Variants in BRINP1 observed in about 807,000 individuals in gnomAD.
BRINP1 encodes BMP/retinoic acid inducible neural specific 1.
In BRINP1, 17 loss-of-function variants were observed where a neutral mutation model predicts 72.9. The observed-to-expected ratio is 0.23, with a 90% CI of 0.16 to 0.35. The LOEUF (loss-of-function observed/expected upper bound fraction) is 0.35. Ranked by LOEUF, BRINP1 falls within the 10% of genes least tolerant of loss-of-function variation. The probability of loss-of-function intolerance (pLI) is 1.00; values close to 1 mark genes in which losing one functional copy is unlikely to be tolerated. For synonymous variants in BRINP1, 418 were observed against 378.5 expected, an observed-to-expected ratio of 1.10 and a Z score of -1.21; for missense variants, 850 against 1,001.6, an observed-to-expected ratio of 0.85 and a Z score of 2.04.
In BRINP1 at chr9:119,325,699, T is replaced by G. The variant is rs577440182; in HGVS notation, c.-50-12294A>C. Among the ~76,000 whole-genome samples, 3 of 152,334 alleles carry G rather than the reference T, an allele frequency of 2.0e-5. No homozygotes were observed. In the South Asian group the frequency reaches 6.2e-4, roughly 32 times the overall value. On this transcript the variant is annotated intron_variant, in intron 1 of 7. Coordinates refer to ENST00000265922, the MANE Select transcript of BRINP1 (RefSeq NM_014618.3). The stretch of plus-strand genomic sequence containing the variant: ...TACCACCTCCATCCTAAGCCCTTGT[T>G]GCCAGAGTGATCTATCAAAATACAG...
intron 2 of BRINP1, among the ~76,000 whole-genome samples, chr9:119,265,834 T>A (rs1830543659): frequency 6.6e-6 from 1 of 152,098 alleles, no homozygotes; most frequent in Admixed American, 6.6e-5. Context: ...GCCACCCAGG[T>A]AATAAGCATA....
intron 1 of BRINP1, among the ~76,000 whole-genome samples, chr9:119,314,766 A>T (rs1346742299): frequency 2.6e-5 from 4 of 152,206 alleles, no homozygotes; most frequent in Non-Finnish European, 4.4e-5. Flanking sequence ...CTTTCCTGAC[A>T]TTCAGTTTCC....
At chr9:119,305,616 T>A (rs557428351) in intron 2 of BRINP1, among the ~76,000 whole-genome samples, 1 of 152,330 alleles carries the variant, frequency 6.6e-6, no homozygotes, top group South Asian at 2.1e-4. Context: ...TTGAAGCCTA[T>A]GTTCAACACC....
intron 5 of BRINP1, among the ~76,000 whole-genome samples, chr9:119,230,584 A>C (rs1255631783): frequency 1.3e-5 from 2 of 151,916 alleles, no homozygotes; most frequent in African/African-American, 4.8e-5. Flanking sequence ...GAGAGTGAGG[A>C]TGTCATTTTA....
chr9:119,208,550 A>G (rs1030533762), intron 7 of BRINP1, among the ~76,000 whole-genome samples, 169 bp downstream of exon 7: 1 of 152,206 alleles, frequency 6.6e-6, no homozygotes, highest in Non-Finnish European at 1.5e-5. Flanking sequence ...ATGTGGAGCC[A>G]GTAGGTGAGG....
chr9:119,270,403 A>G (rs886217864), intron 2 of BRINP1, among the ~76,000 whole-genome samples: 1 of 152,220 alleles, frequency 6.6e-6, no homozygotes, highest in East Asian at 1.9e-4. Flanking sequence ...AAGATTATAC[A>G]GGAGGCTATT....
At chr9:119,231,025 C>A (rs1830144645) in intron 5 of BRINP1, among the ~76,000 whole-genome samples, 1 of 152,040 alleles carries the variant, frequency 6.6e-6, no homozygotes, top group South Asian at 2.1e-4. Flanking sequence ...GACATTGAAT[C>A]TACAAATCTA....
chr9:119,214,264 G>T, intron 5 of BRINP1, 109 bp from the exon 6 acceptor site: 1 of 798,614 alleles, frequency 1.3e-6, no homozygotes, highest in Non-Finnish European at 2.0e-6. Flanking sequence ...ATTTCTCCCT[G>T]TGTATTGGAA....
intron 5 of BRINP1, among the ~76,000 whole-genome samples, chr9:119,221,210 C>A (rs577327679): frequency 6.6e-5 from 10 of 152,174 alleles, no homozygotes; most frequent in African/African-American, 2.4e-4. Flanking sequence ...TGTCTTGTAC[C>A]ACTAAGTTCT....
At chr9:119,252,770 G>A (rs1301099290) in intron 2 of BRINP1, among the ~76,000 whole-genome samples, 1 of 152,116 alleles carries the variant, frequency 6.6e-6, no homozygotes, top group Non-Finnish European at 1.5e-5. Flanking sequence ...AATATCGAGA[G>A]GTAGAATATA....
intron 7 of BRINP1, among the ~76,000 whole-genome samples, chr9:119,208,277 T>C (rs186078172): frequency 1.3e-5 from 2 of 152,224 alleles, no homozygotes; most frequent in African/African-American, 4.8e-5. Flanking sequence ...TGTCACTCAC[T>C]CCTGGCTCTG....
intron 1 of BRINP1, among the ~76,000 whole-genome samples, chr9:119,329,239 T>G (rs1460821381): frequency 3.3e-5 from 5 of 152,328 alleles, no homozygotes; most frequent in Non-Finnish European, 7.3e-5. Flanking sequence ...TTCCAATATT[T>G]ACTCATCAAA....
intron 1 of BRINP1, among the ~76,000 whole-genome samples, chr9:119,364,946 C>T (rs900872353): frequency 7.9e-5 from 12 of 152,130 alleles, no homozygotes; most frequent in Non-Finnish European, 1.6e-4. Context: ...GTGTGAGAGA[C>T]AGAGAGAGAG....
intron 2 of BRINP1, among the ~76,000 whole-genome samples, chr9:119,306,429 G>T (rs1209048323): frequency 1.3e-5 from 2 of 152,170 alleles, no homozygotes; most frequent in East Asian, 1.9e-4. Flanking sequence ...GGATGTATGT[G>T]GGCTGGAGGG....
chr9:119,218,351 G>T (rs1041241682), intron 5 of BRINP1, among the ~76,000 whole-genome samples: 1 of 151,820 alleles, frequency 6.6e-6, no homozygotes. Flanking sequence ...CAACATGTTG[G>T]TCAGGATGGT....
chr9:119,292,283 T>C (rs966601323), intron 2 of BRINP1, among the ~76,000 whole-genome samples: 1 of 152,198 alleles, frequency 6.6e-6, no homozygotes, highest in Non-Finnish European at 1.5e-5. Context: ...TCTGCTCAAG[T>C]TGACTGCTTA....
intron 1 of BRINP1, among the ~76,000 whole-genome samples, chr9:119,338,808 C>T (rs1288175803): frequency 6.6e-6 from 1 of 151,398 alleles, no homozygotes; most frequent in Non-Finnish European, 1.5e-5. Flanking sequence ...TGGTGCGAAC[C>T]CAGGAGGCGG....
At chr9:119,273,899 T>C (rs1167311561) in intron 2 of BRINP1, among the ~76,000 whole-genome samples, 1 of 152,200 alleles carries the variant, frequency 6.6e-6, no homozygotes, top group African/African-American at 2.4e-5. Context: ...TCATTCTGTT[T>C]ATTCTTGGCT....
In BRINP1 at chr9:119,168,121, C is replaced by T. The variant is rs372190683; in HGVS notation, c.1249G>A (p.Gly417Ser). The change falls in exon 8 of 8, where the codon GGC becomes AGC. Residue 417 changes from glycine (G) to serine (S), a missense_variant. Transcript: ENST00000265922. ...GGGCGCTGGCACAGCGTGGTGCTGC[C>T]GTGGCACACGCAGCTCCGCTGGCTC... is the stretch of plus-strand genomic sequence containing the variant. ...LESQRSCVCH[G>S]STTLCQRPIP... 30 of 1,606,382 alleles carry T rather than the reference C, an allele frequency of 1.9e-5. No homozygotes were observed. Among genetic ancestry groups the T allele is most frequent in the East Asian group, 9.0e-5 (4 of 44,666 alleles).
Sources: allele counts gnomAD v4.1 joint callset (sites outside exome capture counted in the v4.1 genomes callset), GRCh38; gene constraint gnomAD v4.1.1; transcripts MANE v1.5; gene names NCBI Gene and HGNC (gene_info 2026-07-23, HGNC 2026-07-21).